Variants in ZNF600 observed in about 807,000 individuals in gnomAD.
ZNF600 encodes zinc finger protein KR-ZNF1.
A neutral mutation model predicts 7.3 loss-of-function variants in ZNF600; 4 were observed. That is an observed-to-expected ratio of 0.55 (90% CI 0.27 to 1.25). The LOEUF is 1.25. Among genes scored for constraint, ZNF600 ranks in the 50% most tolerant of loss-of-function variants. ZNF600 has a pLI of 0.12. For missense variants in ZNF600, 911 were observed against 922.1 expected (o/e 0.99, Z 0.16); for synonymous variants, 290 against 308.9 (o/e 0.94, Z 0.64).
chr19:52,798,920 C>T, the ZNF600 span: 4 of 1,433,314 alleles, frequency 2.8e-6, no homozygotes, highest in Non-Finnish European at 3.8e-6. Context: ...GGCTTTGCCA[C>T]ACTCATTGCA....
the ZNF600 span, among the ~76,000 whole-genome samples, chr19:52,809,133 G>A: frequency 5.3e-5 from 8 of 152,146 alleles, no homozygotes; most frequent in African/African-American, 1.9e-4. Context: ...AAGGACACTT[G>A]GGCAGTTGCG....
the ZNF600 span, chr19:52,810,111 G>T: frequency 2.5e-6 from 2 of 810,748 alleles, no homozygotes; most frequent in Non-Finnish European, 2.2e-6. Context: ...CCAAGAGGAG[G>T]GGGAGGAGCC....
At chr19:52,822,924 C>T in the ZNF600 span, among the ~76,000 whole-genome samples, 6 of 152,014 alleles carry the variant, frequency 3.9e-5, no homozygotes, top group Middle Eastern at 3.4e-3. Flanking sequence ...CACCTGGAAA[C>T]GTCAACTCCA....
At chr19:52,774,746 G>A in intron 2 of ZNF600, 45 bp from the exon 5 acceptor site, 2 of 985,368 alleles carry the variant, frequency 2.0e-6, no homozygotes, top group Non-Finnish European at 2.4e-6. Context: ...GGAGGATTGA[G>A]TTATCACCTT....
At chr19:52,815,102 T>C in the ZNF600 span, among the ~76,000 whole-genome samples, 1 of 30,530 alleles carries the variant, frequency 3.3e-5, no homozygotes, top group African/African-American at 8.0e-5. Context: ...TATATATATT[T>C]ATATATATAT....
chr19:52,799,167 C>A, the ZNF600 span: 1 of 408,160 alleles, frequency 2.5e-6, no homozygotes, highest in Non-Finnish European at 4.7e-6. Context: ...AAAAACTATG[C>A]CACATTCATT....
the ZNF600 span, chr19:52,821,615 G>C: frequency 6.6e-6 from 1 of 152,184 alleles, no homozygotes; most frequent in African/African-American, 2.4e-5. Flanking sequence ...GTCATTCCAC[G>C]GGATCCGCTT....
rs375745445 is a variant in ZNF600 at position 52,767,782 on chromosome 19, A to G, written c.191-10T>C. 1.3e-6 allele frequency: 2 copies of G among 1,544,228 alleles called. No individual in the cohort carries two copies. Among genetic ancestry groups the G allele is most frequent in the African/African-American group, 1.4e-5 (1 of 72,436 alleles). ...CGTTTGGAAGAGATATCTACAAAAT[A>G]TAAACAACAATAGGTTTCCAATTAA... On this transcript the variant is annotated splice_polypyrimidine_tract_variant and intron_variant, in intron 3 of 3. Coordinates refer to ENST00000648973, the Ensembl canonical transcript of ZNF600.
chr19:52,822,074 C>CTTTTTTTTTTTTTTTTTTTTTTTTTTTT, the ZNF600 span, among the ~76,000 whole-genome samples: 2 of 78,694 alleles, frequency 2.5e-5, no homozygotes, highest in Admixed American at 1.6e-4. Flanking sequence ...TTCTTTTTCC[C>CTTTTTTTTTTTTTTTTTTTTTTTTTTTT]TTTTTTTTTT....
chr19:52,810,714 A>T, the ZNF600 span: 14 of 775,336 alleles, frequency 1.8e-5, no homozygotes, highest in Admixed American at 2.4e-4. Flanking sequence ...ACTAAAAAAA[A>T]TGTGTATTAG....
the ZNF600 span, chr19:52,800,059 G>A: frequency 3.7e-6 from 6 of 1,613,516 alleles, no homozygotes; most frequent in Non-Finnish European, 4.2e-6. Context: ...CTCTGATGTT[G>A]TGCCAGGTGT....
chr19:52,772,357 C>G (rs1356502294), intron 3 of ZNF600, among the ~76,000 whole-genome samples: 3 of 151,976 alleles, frequency 2.0e-5, no homozygotes, highest in Admixed American at 1.3e-4. Flanking sequence ...AATCCTAGCT[C>G]TTTGGGAGGC....
At chr19:52,766,210 G>A (rs2062574061) in exon 4 of ZNF600, 2 of 1,613,674 alleles carry the variant, frequency 1.2e-6, no homozygotes, top group Non-Finnish European at 1.7e-6. Flanking sequence ...ACTCTGCGAT[G>A]GCTTGCAAGG....
chr19:52,811,839 G>T, the ZNF600 span, among the ~76,000 whole-genome samples: 1 of 145,994 alleles, frequency 6.8e-6, no homozygotes. Flanking sequence ...CCCCTACTGG[G>T]AAGTGAGGAC....
exon 4 of ZNF600, chr19:52,766,830 T>C (rs2062584968): frequency 1.2e-6 from 2 of 1,614,168 alleles, no homozygotes; most frequent in East Asian, 2.2e-5. Flanking sequence ...ACTGAAAACT[T>C]TGTCACATTC....
chr19:52,768,646 A>C (rs1294001792), intron 3 of ZNF600, among the ~76,000 whole-genome samples: 1 of 151,892 alleles, frequency 6.6e-6, no homozygotes, highest in African/African-American at 2.4e-5. Flanking sequence ...CCTGGGTTGA[A>C]GTGATCCTCC....
intron 3 of ZNF600, among the ~76,000 whole-genome samples, chr19:52,771,535 G>A (rs957986427): frequency 4.0e-5 from 6 of 151,762 alleles, no homozygotes; most frequent in Non-Finnish European, 5.9e-5. Flanking sequence ...GTGCAGTGGC[G>A]CAATCATGGC....
the ZNF600 span, chr19:52,797,684 C>T: frequency 6.5e-6 from 1 of 154,448 alleles, no homozygotes; most frequent in Non-Finnish European, 1.5e-5. Context: ...AATCTACAAA[C>T]ATTGATCAAA....
At chr19:52,785,819 C>A (rs28475549) in intron 1 of ZNF600, among the ~76,000 whole-genome samples, 1,697 of 152,226 alleles carry the variant, frequency 0.011, 28 homozygotes, top group African/African-American at 0.039. Context: ...CTCTGGTGAG[C>A]CTCCCTCTTT....
Sources: gnomAD v4.1 joint callset for allele counts (sites outside exome capture counted in the v4.1 genomes callset) on GRCh38, gnomAD v4.1.1 for gene constraint, MANE v1.5 for transcripts, NCBI Gene and HGNC (gene_info 2026-07-23, HGNC 2026-07-21) for gene names.